Variants in ADAMTS14 observed in about 807,000 individuals in gnomAD.
ADAMTS14 encodes the protein ADAM metallopeptidase with thrombospondin type 1 motif 14, also known as A disintegrin and metalloproteinase with thrombospondin motifs 14.
ADAMTS14 carries 100 observed loss-of-function variants against 128.6 expected under a neutral mutation model. That is an observed-to-expected ratio of 0.78 (90% CI 0.66 to 0.92). The LOEUF (loss-of-function observed/expected upper bound fraction) is 0.92. Among genes scored for constraint, ADAMTS14 ranks in the 40% least tolerant of loss-of-function variants. The probability of loss-of-function intolerance (pLI) is 0.00; values close to 1 mark genes in which losing one functional copy is unlikely to be tolerated. For missense variants in ADAMTS14, 1,562 were observed against 1,658.6 expected (o/e 0.94, Z 1.01); for synonymous variants, 665 against 653.8 (o/e 1.02, Z -0.26).
At chr10:70,720,396 G>C (rs543222454) in intron 4 of ADAMTS14, among the ~76,000 whole-genome samples, 3 of 152,188 alleles carry the variant, frequency 2.0e-5, no homozygotes, top group Non-Finnish European at 4.4e-5. Context: ...TAGTGACCTC[G>C]GAGGCAGGGC....
intron 2 of ADAMTS14, among the ~76,000 whole-genome samples, chr10:70,689,426 G>C (rs1032238245): frequency 6.9e-6 from 1 of 144,988 alleles, no homozygotes; most frequent in African/African-American, 2.4e-5. Flanking sequence ...ACAAAGGAGG[G>C]AGCAGTGATG....
At chr10:70,702,195 G>A (rs1405102913) in intron 2 of ADAMTS14, 117 bp from the exon 3 acceptor site, 2 of 1,441,846 alleles carry the variant, frequency 1.4e-6, no homozygotes, top group African/African-American at 2.8e-5. Context: ...CCTGGAGGAA[G>A]AGCCTGCAAG....
intron 18 of ADAMTS14, 42 bp from the exon 19 acceptor site, chr10:70,753,758 G>A (rs1256147661): frequency 1.3e-6 from 2 of 1,496,868 alleles, no homozygotes; most frequent in South Asian, 1.3e-5. Flanking sequence ...GGGATGAAGT[G>A]CCCCCTTGGT....
intron 2 of ADAMTS14, among the ~76,000 whole-genome samples, chr10:70,701,822 G>A (rs1018639159): frequency 1.1e-4 from 17 of 152,126 alleles, no homozygotes; most frequent in Non-Finnish European, 1.3e-4. Context: ...AAATAACAGC[G>A]CTTCATATTG....
intron 4 of ADAMTS14, among the ~76,000 whole-genome samples, chr10:70,728,247 G>C (rs1381796744): frequency 6.6e-6 from 1 of 152,182 alleles, no homozygotes; most frequent in African/African-American, 2.4e-5. Flanking sequence ...AAGCAACATA[G>C]AAACAGTATA....
At chr10:70,732,026 C>T (rs1841655796) in intron 6 of ADAMTS14, among the ~76,000 whole-genome samples, 1 of 152,066 alleles carries the variant, frequency 6.6e-6, no homozygotes, top group Non-Finnish European at 1.5e-5. Context: ...CGCTGATAAA[C>T]CCTGGGAAAC....
At chr10:70,728,895 G>A (rs1205575464) in intron 4 of ADAMTS14, among the ~76,000 whole-genome samples, 1 of 152,204 alleles carries the variant, frequency 6.6e-6, no homozygotes, top group Non-Finnish European at 1.5e-5. Context: ...AGTGGCAACT[G>A]GAACGGTACA....
At chr10:70,729,166 AG>A in intron 4 of ADAMTS14, 127 bp from the exon 5 acceptor site, 1 of 762,446 alleles carries the variant, frequency 1.3e-6, no homozygotes. Flanking sequence ...TCTGTAAAGT[AG>A]GATAAGTATC....
rs374078117 is a variant in ADAMTS14 at position 70,705,072 on chromosome 10, T to TACTCTCATATATACACAC, written c.679+2606_679+2623dup. Among the ~76,000 whole-genome samples, 224 of 152,114 alleles carry TACTCTCATATATACACAC rather than the reference T, an allele frequency of 1.5e-3. 2 individuals are homozygous for TACTCTCATATATACACAC. Among genetic ancestry groups the TACTCTCATATATACACAC allele is most frequent in the African/African-American group, 4.8e-3 (201 of 41,486 alleles). ...ATACACACACATGCTCATATACACA[T>TACTCTCATATATACACAC]ACTCTCATATATACACACATCCATG... On this transcript the variant is annotated intron_variant, in intron 3 of 21. Transcript: ENST00000373207.
At chr10:70,675,684 A>C (rs1054058753) in intron 2 of ADAMTS14, among the ~76,000 whole-genome samples, 4 of 152,098 alleles carry the variant, frequency 2.6e-5, no homozygotes, top group African/African-American at 4.8e-5. Context: ...CGCCTCTGCT[A>C]GTTGGCTCCA....
intron 15 of ADAMTS14, 131 bp downstream of exon 15, chr10:70,745,437 C>T: frequency 1.1e-6 from 1 of 932,564 alleles, no homozygotes; most frequent in South Asian, 1.4e-5. Flanking sequence ...TGGGCAGAGA[C>T]CCCCTTTTCA....
chr10:70,725,662 C>T (rs1841405365), intron 4 of ADAMTS14, among the ~76,000 whole-genome samples: 1 of 152,150 alleles, frequency 6.6e-6, no homozygotes, highest in South Asian at 2.1e-4. Context: ...ACTTAATTAC[C>T]CCCTAATGCC....
rs750854699 is a variant in ADAMTS14, at chr10:70,738,914, T to C, written c.1672T>C (p.Trp558Arg). Residue 558 changes from tryptophan to arginine, a missense_variant, in exon 11 of 22, where the codon TGG becomes CGG. By Grantham distance (101) the Trp-to-Arg change is moderately radical. Transcript: ENST00000373207. ...TYGQDGGWSSWTKFGSCSRSC... is the reference protein window; with the variant it reads ...TYGQDGGWSSRTKFGSCSRSC... Reference sequence around the variant, plus strand: ...TGGCCAGGATGGAGGCTGGAGCTCCTGGACCAAGTTTGGGTCATGTTCGCG... The same window carrying C: ...TGGCCAGGATGGAGGCTGGAGCTCCCGGACCAAGTTTGGGTCATGTTCGCG... 5 of 1,614,028 alleles carry C rather than the reference T, an allele frequency of 3.1e-6. No individual in the cohort carries two copies. Among genetic ancestry groups the C allele is most frequent in the Non-Finnish European group, 4.2e-6 (5 of 1,179,966 alleles).
chr10:70,753,759 C>T (rs73278044), intron 18 of ADAMTS14, 41 bp from the exon 19 acceptor site: 104,014 of 1,496,610 alleles, frequency 0.069, 3,925 homozygotes, highest in African/African-American at 0.1. Context: ...GGATGAAGTG[C>T]CCCCTTGGTC....
At chr10:70,757,041 A>T (rs2587471) in intron 19 of ADAMTS14, among the ~76,000 whole-genome samples, 68,839 of 151,848 alleles carry the variant, frequency 0.45, 15,698 homozygotes, top group East Asian at 0.47. Context: ...CAGTGGTCAC[A>T]TGCTCCAGTG....
rs756499487 is a variant in ADAMTS14, at chr10:70,760,404, G to A, written c.3223G>A (p.Val1075Met). 1.2e-6 allele frequency: 2 copies of A among 1,606,122 alleles called. No homozygotes were observed. Among genetic ancestry groups the A allele is most frequent in the Admixed American group, 1.7e-5 (1 of 59,410 alleles). Residue 1075 changes from valine (V) to methionine (M), a missense_variant, in exon 22 of 22, where the codon GTG becomes ATG. Val to Met is a conservative substitution (Grantham distance 21). Coordinates refer to ENST00000373207, the MANE Select transcript of ADAMTS14 (RefSeq NM_080722.4). ...GDRSVFCQME[V>M]LDRYCSIPGY... Reference sequence around the variant, plus strand: ...CAGGTCTGTCTTCTGCCAGATGGAAGTGCTCGATCGCTACTGCTCCATTCC... The same window carrying A: ...CAGGTCTGTCTTCTGCCAGATGGAAATGCTCGATCGCTACTGCTCCATTCC...
chr10:70,727,863 A>G (rs1841494294), intron 4 of ADAMTS14, among the ~76,000 whole-genome samples: 1 of 152,090 alleles, frequency 6.6e-6, no homozygotes, highest in African/African-American at 2.4e-5. Flanking sequence ...TGGGAGGCTG[A>G]GGCGGGTGGA....
rs767429598 is a variant in ADAMTS14, at chr10:70,758,305, C to T, written c.3178+20C>T. The T allele has an allele frequency of 1.9e-6, 3 of 1,605,518 alleles. No homozygotes were observed. The highest frequency in any genetic ancestry group is 2.2e-5 in the South Asian group (2 of 90,022). ...CATCAAGTAAGTACAGTCTATGGAC[C>T]CTACCCTGCTCCCCAGACCTTTCAG... On this transcript the variant is annotated intron_variant, in intron 21 of 21. Transcript: ENST00000373207.
At chr10:70,722,208 A>G (rs1366951347) in intron 4 of ADAMTS14, among the ~76,000 whole-genome samples, 1 of 152,178 alleles carries the variant, frequency 6.6e-6, no homozygotes, top group Non-Finnish European at 1.5e-5. Flanking sequence ...GCTGGGGGCT[A>G]GAGCACATGG....
Sources: gnomAD v4.1 joint callset for allele counts (sites outside exome capture counted in the v4.1 genomes callset) on GRCh38, gnomAD v4.1.1 for gene constraint, MANE v1.5 for transcripts, NCBI Gene and HGNC (gene_info 2026-07-23, HGNC 2026-07-21) for gene names.